RBFOX1: variants seen among roughly 807,000 people sequenced by gnomAD.
The protein encoded by RBFOX1 is RNA binding protein fox-1 homolog 1.
In RBFOX1, 8 loss-of-function variants were observed where a neutral mutation model predicts 57.7. The ratio of observed to expected loss-of-function variants is 0.14; its 90% CI spans 0.08 to 0.25. RBFOX1 has a LOEUF of 0.25. Among genes scored for constraint, RBFOX1 ranks in the 10% least tolerant of loss-of-function variants. The probability of loss-of-function intolerance (pLI) is 1.00; values close to 1 mark genes in which losing one functional copy is unlikely to be tolerated. For missense variants in RBFOX1, 611 were observed against 548.5 expected, an observed-to-expected ratio of 1.11 and a Z score of -1.14; for synonymous variants, 326 against 222.4, an observed-to-expected ratio of 1.47 and a Z score of -4.15.
intron 2 of RBFOX1, among the ~76,000 whole-genome samples, chr16:6,521,744 C>T (rs2096503509): frequency 6.6e-6 from 1 of 152,242 alleles, no homozygotes; most frequent in Admixed American, 6.5e-5. Context: ...TGGGACTTGA[C>T]TTTAGATACG....
At position 6,945,166 on chromosome 16, in the gene RBFOX1, A is replaced by G. The variant is rs2079253312; in HGVS notation, c.-15-106891A>G. On this transcript the variant is annotated intron_variant, in intron 3 of 15. Transcript: ENST00000550418. Reference sequence around the variant, plus strand: ...TACATAGGGATGAGAGTATGGGGAAAAAAGGGCTGTGACCTCAGACTGCTT... The same window carrying G: ...TACATAGGGATGAGAGTATGGGGAAGAAAGGGCTGTGACCTCAGACTGCTT... 4.6e-5 allele frequency among the ~76,000 whole-genome samples: 7 copies of G among 152,242 alleles called. 1 individual carries two copies. The South Asian group carries it at 1.5e-3, about 32-fold the overall frequency.
chr16:7,401,334 G>A (rs898049781), intron 4 of RBFOX1, among the ~76,000 whole-genome samples: 2 of 152,128 alleles, frequency 1.3e-5, no homozygotes, highest in Admixed American at 6.6e-5. Flanking sequence ...CTTCTTTCAA[G>A]GAGGTAAACT....
chr16:5,631,556 T>A (rs201341649), intron 3 of RBFOX1, among the ~76,000 whole-genome samples: 49 of 139,242 alleles, frequency 3.5e-4, no homozygotes, highest in African/African-American at 1.2e-3. Context: ...ACTCCATATT[T>A]AAAAAAAAAA....
chr16:7,284,367 G>C (rs1365469206), intron 4 of RBFOX1, among the ~76,000 whole-genome samples: 1 of 152,138 alleles, frequency 6.6e-6, no homozygotes, highest in African/African-American at 2.4e-5. Context: ...CTCCTGCTCT[G>C]TATCCCAGGC....
intron 3 of RBFOX1, among the ~76,000 whole-genome samples, chr16:5,684,524 G>A (rs1002965324): frequency 6.6e-6 from 1 of 152,086 alleles, no homozygotes; most frequent in African/African-American, 2.4e-5. Flanking sequence ...TCTAGGATTA[G>A]CCTCACACAA....
intron 4 of RBFOX1, among the ~76,000 whole-genome samples, chr16:7,293,999 T>C (rs1292329128): frequency 6.6e-6 from 1 of 152,132 alleles, no homozygotes; most frequent in Non-Finnish European, 1.5e-5. Context: ...TCTTGTACTT[T>C]AAAGATAAAA....
At chr16:7,456,485 C>G (rs1045499035) in intron 4 of RBFOX1, among the ~76,000 whole-genome samples, 7 of 152,336 alleles carry the variant, frequency 4.6e-5, no homozygotes, top group East Asian at 1.9e-4. Context: ...TCTCCAACTC[C>G]CAGCATTGTT....
intron 1 of RBFOX1, among the ~76,000 whole-genome samples, chr16:6,243,846 C>T (rs2097553580): frequency 6.6e-6 from 1 of 152,150 alleles, no homozygotes; most frequent in Non-Finnish European, 1.5e-5. Context: ...AGATGAAAGA[C>T]CATCCAGAGG....
chr16:7,237,282 G>A (rs112086381), intron 4 of RBFOX1, among the ~76,000 whole-genome samples: 2,422 of 152,222 alleles, frequency 0.016, 51 homozygotes, highest in African/African-American at 0.055. Context: ...GAGCTCTTCC[G>A]TCCTCTCTCC....
At chr16:6,028,851 C>T (rs1014512954) in intron 1 of RBFOX1, among the ~76,000 whole-genome samples, 58 of 152,202 alleles carry the variant, frequency 3.8e-4, no homozygotes, top group African/African-American at 1.4e-3. Flanking sequence ...TTTGAGAAGA[C>T]TGAATTCCCT....
chr16:5,652,903 T>C (rs2049286543), intron 3 of RBFOX1, among the ~76,000 whole-genome samples: 1 of 152,172 alleles, frequency 6.6e-6, no homozygotes, highest in South Asian at 2.1e-4. Context: ...ATAGTACATA[T>C]GTGGTTGGCA....
intron 4 of RBFOX1, among the ~76,000 whole-genome samples, chr16:7,342,011 G>T (rs564524869): frequency 2.6e-5 from 4 of 152,236 alleles, no homozygotes; most frequent in South Asian, 2.1e-4. Flanking sequence ...GAGAATTGCA[G>T]TGAGGAGGGG....
At chr16:5,648,496 A>G (rs1415772040) in intron 3 of RBFOX1, among the ~76,000 whole-genome samples, 1 of 152,142 alleles carries the variant, frequency 6.6e-6, no homozygotes, top group African/African-American at 2.4e-5. Context: ...GGCAATGTCC[A>G]GTGACATTTT....
chr16:7,361,632 A>T (rs1235044992), intron 4 of RBFOX1, among the ~76,000 whole-genome samples: 2 of 152,220 alleles, frequency 1.3e-5, no homozygotes, highest in East Asian at 3.8e-4. Context: ...ACACACACCA[A>T]ACAGGTGGGA....
chr16:6,731,393 G>T (rs573940586), intron 3 of RBFOX1, among the ~76,000 whole-genome samples: 34 of 152,100 alleles, frequency 2.2e-4, no homozygotes, highest in Non-Finnish European at 4.1e-4. Flanking sequence ...GGGGATCAGT[G>T]ACCTCACATC....
intron 3 of RBFOX1, among the ~76,000 whole-genome samples, chr16:5,856,177 C>CTATATATA (rs1390412630): frequency 1.7e-5 from 1 of 57,218 alleles, no homozygotes; most frequent in Non-Finnish European, 3.4e-5. Context: ...CTCTCTCTCT[C>CTATATATA]TCTCTCTCTC....
intron 3 of RBFOX1, among the ~76,000 whole-genome samples, chr16:5,661,028 A>T (rs1184895742): frequency 6.6e-6 from 1 of 152,084 alleles, no homozygotes; most frequent in East Asian, 1.9e-4. Context: ...TGGGGCTGGG[A>T]GTGCTAATTC....
At chr16:6,602,130 G>A (rs1177350464) in intron 2 of RBFOX1, among the ~76,000 whole-genome samples, 2 of 151,988 alleles carry the variant, frequency 1.3e-5, no homozygotes, top group African/African-American at 4.8e-5. Flanking sequence ...TTGGAGAAAT[G>A]TTTGTTCAAA....
At chr16:6,801,041 C>G (rs372852243) in intron 3 of RBFOX1, among the ~76,000 whole-genome samples, 43 of 152,098 alleles carry the variant, frequency 2.8e-4, no homozygotes, top group Middle Eastern at 6.8e-3. Context: ...GATACTTAAA[C>G]TTGAACATGC....
Sources: allele counts gnomAD v4.1 joint callset (sites outside exome capture counted in the v4.1 genomes callset), GRCh38; gene constraint gnomAD v4.1.1; transcripts MANE v1.5; gene names NCBI Gene and HGNC (gene_info 2026-07-23, HGNC 2026-07-21).